The following UBE2G2 variants were observed in gnomAD, a reference collection of about 807,000 sequenced individuals.
UBE2G2 encodes ubiquitin-conjugating enzyme E2 G2.
Under a neutral mutation model 23.0 loss-of-function variants are expected in UBE2G2, and 10 were observed. That is an observed-to-expected ratio of 0.43 (90% CI 0.27 to 0.74). The LOEUF is 0.74. Among genes scored for constraint, UBE2G2 ranks in the 30% least tolerant of loss-of-function variants. UBE2G2 has a pLI of 0.19. For missense variants in UBE2G2, 150 were observed against 218.3 expected, an observed-to-expected ratio of 0.69 and a Z score of 1.97; for synonymous variants, 86 against 81.3, an observed-to-expected ratio of 1.06 and a Z score of -0.31.
At chr21:44,774,264 A>T (rs1028838838) in intron 4 of UBE2G2, 1 of 154,292 alleles carries the variant, frequency 6.5e-6, no homozygotes, top group Non-Finnish European at 1.4e-5. Flanking sequence ...TGTCTAAATC[A>T]AATCCCTTTC....
intron 3 of UBE2G2, among the ~76,000 whole-genome samples, chr21:44,782,094 T>C (rs1220231342): frequency 6.6e-6 from 1 of 152,164 alleles, no homozygotes; most frequent in East Asian, 1.9e-4. Context: ...AAAAGAATGT[T>C]GGAAAATATT....
intron 3 of UBE2G2, among the ~76,000 whole-genome samples, chr21:44,781,436 G>A (rs1259376358): frequency 6.6e-6 from 1 of 152,236 alleles, no homozygotes; most frequent in African/African-American, 2.4e-5. Flanking sequence ...CAGGACAGCA[G>A]GACCAAGGTG....
chr21:44,800,442 CTA>C (rs2083126289), intron 1 of UBE2G2: 1 of 151,974 alleles, frequency 6.6e-6, no homozygotes. Context: ...ATCAGTGTAA[CTA>C]TTTGTGCAGC....
intron 5 of UBE2G2, 144 bp downstream of exon 5, chr21:44,773,403 G>T: frequency 9.3e-7 from 1 of 1,073,668 alleles, no homozygotes; most frequent in Non-Finnish European, 1.3e-6. Context: ...AAAAGTGTAG[G>T]CAGATAACAT....
intron 3 of UBE2G2, among the ~76,000 whole-genome samples, chr21:44,783,026 T>C (rs1359575138): frequency 6.6e-6 from 1 of 152,240 alleles, no homozygotes; most frequent in African/African-American, 2.4e-5. Context: ...AAAAATCCTA[T>C]GTCTAATGAA....
At chr21:44,798,722 G>A (rs1177551836) in intron 1 of UBE2G2, among the ~76,000 whole-genome samples, 2 of 152,162 alleles carry the variant, frequency 1.3e-5, no homozygotes, top group African/African-American at 2.4e-5. Context: ...CACACCTGCA[G>A]TTGCTTCCTC....
intron 4 of UBE2G2, 55 bp downstream of exon 4, chr21:44,777,244 A>G (rs1245422145): frequency 7.0e-7 from 1 of 1,434,126 alleles, no homozygotes; most frequent in African/African-American, 1.4e-5. Flanking sequence ...GTGGCTGATA[A>G]TATTATCTCC....
In UBE2G2 at chr21:44,771,529, T is replaced by G. The variant is rs1405323012; in HGVS notation, c.386-40A>C. ...AACACCCTCCATGTAAAAGGGAGTCTTATACGTAAGCAGCCTGGCAAGGTC... is the reference window on the plus strand; with the variant it reads ...AACACCCTCCATGTAAAAGGGAGTCGTATACGTAAGCAGCCTGGCAAGGTC... On this transcript the variant is annotated intron_variant, in intron 5 of 5. Coordinates refer to ENST00000345496, the MANE Select transcript of UBE2G2 (RefSeq NM_003343.6). This position sits in a 1 kb window ranked among gnomAD's most constrained non-coding sequence, Gnocchi z 4.6. 2 of 1,592,930 alleles carry G rather than the reference T, an allele frequency of 1.3e-6. No homozygotes were observed. The highest frequency in any genetic ancestry group is 1.7e-6 in the Non-Finnish European group (2 of 1,169,072).
intron 1 of UBE2G2, among the ~76,000 whole-genome samples, chr21:44,795,788 A>G (rs1261335336): frequency 6.6e-6 from 1 of 152,164 alleles, no homozygotes; most frequent in African/African-American, 2.4e-5. Context: ...TTAAACACAC[A>G]CTTCCCATTA....
chr21:44,773,887 A>T, intron 4 of UBE2G2, 200 bp from the exon 5 acceptor site: 1 of 653,932 alleles, frequency 1.5e-6, no homozygotes. Context: ...TCACTCACTG[A>T]CAGGCTCCAG....
chr21:44,775,643 G>A (rs949327685), intron 4 of UBE2G2, among the ~76,000 whole-genome samples: 3 of 152,108 alleles, frequency 2.0e-5, no homozygotes, highest in Non-Finnish European at 4.4e-5. Flanking sequence ...AAGGTAATCA[G>A]TTTATTGGTC....
At chr21:44,799,595 GAC>G (rs2083119448) in intron 1 of UBE2G2, among the ~76,000 whole-genome samples, 1 of 152,174 alleles carries the variant, frequency 6.6e-6, no homozygotes, top group South Asian at 2.1e-4. Context: ...GAAGAGTTAG[GAC>G]CTTGCTCTGG....
chr21:44,801,764 G>A lies in UBE2G2; in HGVS notation c.-16C>T, dbSNP rs1555964900. On this transcript the variant is annotated 5_prime_UTR_variant, in exon 1 of 6. Transcript: ENST00000345496. ...TCCCCGCCATGGCCCCGCAACAGCT[G>A]CGCCGAGCGACCTCGCCTCAGCCGC... The A allele has an allele frequency of 1.3e-6, 2 of 1,515,354 alleles. No homozygotes were observed. The highest frequency in any genetic ancestry group is 1.2e-5 in the South Asian group (1 of 80,454). The allele number at this position is 1,515,354 out of a possible 1,614,324, so 93.9% of individuals were successfully genotyped here. A position where few individuals can be genotyped will look rare whatever the true frequency, so the allele number is the denominator to read the frequency against.
intron 4 of UBE2G2, chr21:44,774,898 C>G: frequency 2.8e-6 from 1 of 356,654 alleles, no homozygotes; most frequent in Non-Finnish European, 5.5e-6. Flanking sequence ...AGTGCCATGT[C>G]CTAAACCTCT....
chr21:44,795,427 T>C (rs570685349), intron 1 of UBE2G2, among the ~76,000 whole-genome samples: 13 of 151,124 alleles, frequency 8.6e-5, no homozygotes, highest in South Asian at 6.3e-4. Context: ...GGCCCACGAG[T>C]TCGAGACAAG....
At chr21:44,787,769 A>AG (rs1555962310) in intron 3 of UBE2G2, 151 bp downstream of exon 3, 17 of 796,028 alleles carry the variant, frequency 2.1e-5, no homozygotes, top group Non-Finnish European at 3.3e-5. Flanking sequence ...CTCTGCTTTC[A>AG]GACCAGCAGC....
chr21:44,783,037 G>A (rs993951258), intron 3 of UBE2G2, among the ~76,000 whole-genome samples: 14 of 152,142 alleles, frequency 9.2e-5, no homozygotes, highest in African/African-American at 3.1e-4. Flanking sequence ...GTCTAATGAA[G>A]GACTTGTATC....
chr21:44,787,972 G>A lies in UBE2G2; in HGVS notation c.80-7C>T. The A allele has an allele frequency of 1.9e-6, 3 of 1,612,342 alleles. No homozygotes were observed. The highest frequency in any genetic ancestry group is 2.5e-6 in the Non-Finnish European group (3 of 1,179,526). On this transcript the variant is annotated splice_polypyrimidine_tract_variant and splice_region_variant and intron_variant, in intron 2 of 5. Transcript: ENST00000345496. ...TTCTCTTCATTCATGGGGCCTGTAG[G>A]GTGAGAAAAAATTTCACAACATTTT...
rs1601180181 is a variant in UBE2G2 at position 44,777,540 on chromosome 21, G to T, written c.126-123C>A. On this transcript the variant is annotated intron_variant, in intron 3 of 5. Transcript: ENST00000345496. ...AATGCACGTGAGGCCGGGTGCGGTG[G>T]CTCACGCCTGTAATCCCAGCACTTT... 8 of 896,306 alleles carry T rather than the reference G, an allele frequency of 8.9e-6. No homozygotes were observed. In the South Asian group the frequency reaches 1.1e-4, roughly 12 times the overall value. The allele number at this position is 896,306 out of a possible 1,614,324, so 55.5% of individuals were successfully genotyped here.
Sources: allele counts gnomAD v4.1 joint callset (sites outside exome capture counted in the v4.1 genomes callset), GRCh38; gene constraint gnomAD v4.1.1; non-coding constraint Gnocchi (gnomAD v3.1); transcripts MANE v1.5; gene names NCBI Gene and HGNC (gene_info 2026-07-23, HGNC 2026-07-21).